CCDC178: variants seen among roughly 807,000 people sequenced by gnomAD.
The protein encoded by CCDC178 is coiled-coil domain containing 178.
A neutral mutation model predicts 117.4 loss-of-function variants in CCDC178; 126 were observed. That is an observed-to-expected ratio of 1.07 (90% CI 0.93 to 1.24). The LOEUF (loss-of-function observed/expected upper bound fraction) is 1.24. Among genes scored for constraint, CCDC178 ranks in the 50% most tolerant of loss-of-function variants. CCDC178 has a pLI of 0.00. For synonymous variants in CCDC178, 283 were observed against 313.4 expected (o/e 0.90, Z 1.02); for missense variants, 1,030 against 986.9 (o/e 1.04, Z -0.59).
chr18:33,156,122 A>G (rs1348734634), intron 20 of CCDC178, among the ~76,000 whole-genome samples: 2 of 119,066 alleles, frequency 1.7e-5, no homozygotes, highest in Non-Finnish European at 1.6e-5. Flanking sequence ...GGAGTCTCGC[A>G]CTGTCGCCCA....
At chr18:33,090,907 A>G (rs1196879618) in intron 21 of CCDC178, among the ~76,000 whole-genome samples, 3 of 152,174 alleles carry the variant, frequency 2.0e-5, no homozygotes, top group African/African-American at 7.2e-5. Context: ...TTTAATTCCA[A>G]AATGAGATCA....
chr18:33,264,799 A>G (rs934016184), intron 14 of CCDC178, among the ~76,000 whole-genome samples: 1 of 152,130 alleles, frequency 6.6e-6, no homozygotes, highest in African/African-American at 2.4e-5. Flanking sequence ...GGAAGCTACA[A>G]GAGCCATTGA....
intron 20 of CCDC178, among the ~76,000 whole-genome samples, chr18:33,204,949 G>A (rs963898518): frequency 4.6e-5 from 7 of 151,996 alleles, no homozygotes; most frequent in Non-Finnish European, 1.0e-4. Flanking sequence ...AGGAAACAAG[G>A]AGGGAGAAAG....
intron 15 of CCDC178, among the ~76,000 whole-genome samples, chr18:33,235,942 T>C (rs976900055): frequency 6.6e-6 from 1 of 152,210 alleles, no homozygotes; most frequent in Non-Finnish European, 1.5e-5. Flanking sequence ...TTATTGGAAT[T>C]GAAAATATGG....
intron 3 of CCDC178, among the ~76,000 whole-genome samples, chr18:33,402,353 T>A (rs897540874): frequency 1.3e-5 from 2 of 152,220 alleles, no homozygotes; most frequent in East Asian, 3.8e-4. Flanking sequence ...AACACAAACA[T>A]TTGTGGCTTC....
intron 9 of CCDC178, among the ~76,000 whole-genome samples, chr18:33,340,533 A>C (rs973055943): frequency 3.3e-5 from 5 of 152,218 alleles, no homozygotes; most frequent in African/African-American, 1.2e-4. Flanking sequence ...CCTTCATGGC[A>C]GACCCTCCCA....
intron 11 of CCDC178, among the ~76,000 whole-genome samples, chr18:33,306,371 T>C (rs2062248094): frequency 6.6e-6 from 1 of 151,122 alleles, no homozygotes. Flanking sequence ...TTTGTGTTAT[T>C]ATCTCATGGC....
chr18:33,303,738 G>A (rs1441635971), intron 11 of CCDC178, among the ~76,000 whole-genome samples: 2 of 151,968 alleles, frequency 1.3e-5, no homozygotes, highest in Admixed American at 1.3e-4. Context: ...GTAAATTGTT[G>A]TGTTAATCTG....
chr18:32,947,003 A>G (rs918445426), intron 22 of CCDC178, among the ~76,000 whole-genome samples: 1 of 151,798 alleles, frequency 6.6e-6, no homozygotes, highest in African/African-American at 2.4e-5. Flanking sequence ...GACGGTGTCG[A>G]TCTCCTGACC....
chr18:33,213,613 T>C (rs1437614612), intron 19 of CCDC178, among the ~76,000 whole-genome samples: 1 of 152,026 alleles, frequency 6.6e-6, no homozygotes, highest in Non-Finnish European at 1.5e-5. Context: ...TTGAATTATA[T>C]TAATTATAGC....
At chr18:33,008,024 T>C (rs985305756) in intron 21 of CCDC178, among the ~76,000 whole-genome samples, 1 of 152,158 alleles carries the variant, frequency 6.6e-6, no homozygotes, top group Non-Finnish European at 1.5e-5. Flanking sequence ...GCAGCTTTGA[T>C]TGTAACATTA....
At chr18:33,361,828 G>C (rs1468560494) in intron 6 of CCDC178, among the ~76,000 whole-genome samples, 1 of 151,714 alleles carries the variant, frequency 6.6e-6, no homozygotes, top group African/African-American at 2.4e-5. Flanking sequence ...ATGGAGAAAA[G>C]GGAGCCCTAG....
intron 21 of CCDC178, among the ~76,000 whole-genome samples, chr18:33,044,104 T>C (rs1005253075): frequency 2.0e-5 from 3 of 151,698 alleles, no homozygotes; most frequent in Non-Finnish European, 2.9e-5. Context: ...TGTATGTATG[T>C]ATAAAACTTG....
At chr18:33,283,446 A>G (rs993075905) in intron 12 of CCDC178, among the ~76,000 whole-genome samples, 2 of 152,250 alleles carry the variant, frequency 1.3e-5, no homozygotes, top group Non-Finnish European at 2.9e-5. Context: ...GTTTCTGCAC[A>G]GCAAGAGAAA....
At chr18:33,286,922 T>C (rs1379225901) in intron 12 of CCDC178, among the ~76,000 whole-genome samples, 1 of 152,066 alleles carries the variant, frequency 6.6e-6, no homozygotes, top group African/African-American at 2.4e-5. Flanking sequence ...ACCTTGGGAG[T>C]AGACAATAAA....
At chr18:33,077,003 A>G (rs2057220463) in intron 21 of CCDC178, among the ~76,000 whole-genome samples, 1 of 152,220 alleles carries the variant, frequency 6.6e-6, no homozygotes, top group South Asian at 2.1e-4. Context: ...TTCACCATGG[A>G]TTAGAAACAT....
chr18:33,347,609 A>T (rs576094599), intron 8 of CCDC178, among the ~76,000 whole-genome samples: 104 of 152,250 alleles, frequency 6.8e-4, no homozygotes, highest in African/African-American at 2.2e-3. Flanking sequence ...AAACATATTC[A>T]CTCAACACTT....
At chr18:33,189,632 T>G (rs1299217530) in intron 20 of CCDC178, among the ~76,000 whole-genome samples, 1 of 152,172 alleles carries the variant, frequency 6.6e-6, no homozygotes, top group Admixed American at 6.5e-5. Context: ...ATACTTTTGT[T>G]GTATGGAGAC....
chr18:33,026,277 TTTTGTA>T (rs2144844940), intron 21 of CCDC178, among the ~76,000 whole-genome samples: 1 of 152,180 alleles, frequency 6.6e-6, no homozygotes, highest in East Asian at 1.9e-4. Context: ...TTAATCAGCA[TTTTGTA>T]TTTTGGGCGT....
Sources: allele counts gnomAD v4.1 joint callset (sites outside exome capture counted in the v4.1 genomes callset), GRCh38; gene constraint gnomAD v4.1.1; transcripts MANE v1.5; gene names NCBI Gene and HGNC (gene_info 2026-07-23, HGNC 2026-07-21).